Variants in RAI1 observed in about 807,000 individuals in gnomAD.
RAI1 encodes retinoic acid-induced protein 1.
RAI1 carries 9 observed loss-of-function variants against 123.8 expected under a neutral mutation model. That is an observed-to-expected ratio of 0.07 (90% confidence interval 0.04 to 0.13). The LOEUF is 0.13. RAI1 is among the 10% of genes least tolerant of loss of function. The pLI, the probability that RAI1 is intolerant of heterozygous loss-of-function variation, is 1.00. For missense variants in RAI1, 2,256 were observed against 2,545.8 expected, an observed-to-expected ratio of 0.89 and a Z score of 2.45; for synonymous variants, 1,231 against 1,127.3, an observed-to-expected ratio of 1.09 and a Z score of -1.84.
intron 1 of RAI1, among the ~76,000 whole-genome samples, chr17:17,689,944 A>G (rs1046497048): frequency 3.3e-5 from 5 of 151,926 alleles, no homozygotes; most frequent in Admixed American, 6.6e-5. Context: ...AAGCCCCCCA[A>G]CTCCTTGAAT....
intron 2 of RAI1, among the ~76,000 whole-genome samples, chr17:17,791,052 C>T (rs180786517): frequency 1.2e-4 from 18 of 152,336 alleles, no homozygotes; most frequent in South Asian, 4.1e-4. Flanking sequence ...GGGATGCCTG[C>T]GACAAATCCA....
At chr17:17,723,781 C>G (rs1052445576) in intron 1 of RAI1, among the ~76,000 whole-genome samples, 8 of 150,338 alleles carry the variant, frequency 5.3e-5, no homozygotes, top group Admixed American at 3.3e-4. Context: ...CCCGCGCGCG[C>G]CCCGCGCCAG....
In RAI1 at chr17:17,796,467, C is replaced by T; in HGVS notation, c.3519C>T (p.Ala1173=). The change falls in exon 3 of 6, where the codon GCC becomes GCT. Residue 1173 remains alanine (A), a synonymous_variant. Transcript: ENST00000353383. The surrounding 1 kb of genome is among the most constrained non-coding windows in gnomAD (Gnocchi z 5.8). ...AGGGCCGGCTCCCCAACTGCCGTGCCACCAAGAAGCTCCTCGACAACAGCC... is the reference window on the plus strand; with the variant it reads ...AGGGCCGGCTCCCCAACTGCCGTGCTACCAAGAAGCTCCTCGACAACAGCC... ...PSEGRLPNCR[A]TKKLLDNSHL... 6.2e-7 allele frequency: 1 copy of T among 1,612,330 alleles called. No individual in the cohort carries two copies. Among genetic ancestry groups the T allele is most frequent in the African/African-American group, 1.3e-5 (1 of 75,044 alleles).
chr17:17,810,335 CT>C lies in RAI1; in HGVS notation c.*357del. The C allele has an allele frequency of 2.6e-6, 1 of 379,654 alleles. No individual in the cohort carries two copies. Among genetic ancestry groups the C allele is most frequent in the Non-Finnish European group, 4.8e-6 (1 of 210,256 alleles). 23.5% of individuals were successfully genotyped at this position (379,654 alleles called of 1,614,324 possible). On this transcript the variant is annotated 3_prime_UTR_variant, in exon 6 of 6. Coordinates refer to ENST00000353383, the MANE Select transcript of RAI1 (RefSeq NM_030665.4). The surrounding 1 kb of genome is among the most constrained non-coding windows in gnomAD (Gnocchi z 4.6). ...GGGAGACGGCTTTGTCCTGGGGACA[CT>C]TTCCCTCTGGAATCTCAAGACGACG... is the stretch of plus-strand genomic sequence containing the variant.
At chr17:17,695,499 G>A (rs1412086787) in intron 1 of RAI1, among the ~76,000 whole-genome samples, 3 of 150,522 alleles carry the variant, frequency 2.0e-5, no homozygotes, top group African/African-American at 7.3e-5. Context: ...CTACTCCACA[G>A]CCGCCTTCTT....
intron 1 of RAI1, among the ~76,000 whole-genome samples, chr17:17,694,566 C>T (rs1386903224): frequency 6.6e-6 from 1 of 152,092 alleles, no homozygotes; most frequent in African/African-American, 2.4e-5. Flanking sequence ...CTCTCCCCGA[C>T]CTCGAGAAGG....
chr17:17,749,470 A>C (rs937528843), intron 2 of RAI1, among the ~76,000 whole-genome samples: 1 of 152,134 alleles, frequency 6.6e-6, no homozygotes, highest in African/African-American at 2.4e-5. Flanking sequence ...CGAGTGTGCT[A>C]TTTTCTCCTC....
In RAI1 at chr17:17,809,835, C is replaced by T; in HGVS notation, c.5710-135C>T. 7 of 1,267,900 alleles carry T rather than the reference C, an allele frequency of 5.5e-6. No individual in the cohort carries two copies. Among genetic ancestry groups the T allele is most frequent in the Non-Finnish European group, 6.7e-6 (6 of 902,230 alleles). 78.5% of individuals were successfully genotyped at this position (1,267,900 alleles called of 1,614,324 possible). A position where few individuals can be genotyped will look rare whatever the true frequency, so the allele number is the denominator to read the frequency against. On this transcript the variant is annotated intron_variant, in intron 5 of 5. Transcript: ENST00000353383. The surrounding 1 kb of genome is among the most constrained non-coding windows in gnomAD (Gnocchi z 4.9). ...GGCCAGAAGGGGTGGTGCCGACGGC[C>T]TCGGGCGGAGACCCCAGCCGCGCTC... is the stretch of plus-strand genomic sequence containing the variant.
rs2032270104 is a variant in RAI1 at position 17,796,732 on chromosome 17, A to G, written c.3784A>G (p.Arg1262Gly). The change falls in exon 3 of 6, where the codon AGG becomes GGG. Residue 1262 changes from arginine (R) to glycine (G), a missense_variant. Transcript: ENST00000353383. The surrounding 1 kb of genome is among the most constrained non-coding windows in gnomAD (Gnocchi z 5.8). ...SGNGGDGKEE[R>G]PEGSPTLFKR... The stretch of plus-strand genomic sequence containing the variant: ...CAATGGGGGAGATGGGAAGGAGGAG[A>G]GGCCTGAGGGTTCCCCCACCCTCTT... The G allele has an allele frequency of 6.2e-7, 1 of 1,613,310 alleles. No individual in the cohort carries two copies. Among genetic ancestry groups the G allele is most frequent in the African/African-American group, 1.3e-5 (1 of 74,980 alleles).
In RAI1 at chr17:17,795,335, A is replaced by AGGT; in HGVS notation, c.2389_2390insTGG (p.Glu796_Asp797insVal). Reference sequence around the variant, plus strand: ...TCGGCCTGCCTGGGCTTCCAGGAGGAGGACCCCCCTGGGGAGAAGGTGGCC... The same window carrying AGGT: ...TCGGCCTGCCTGGGCTTCCAGGAGGAGGTGGACCCCCCTGGGGAGAAGGTGGCC... On this transcript the variant is annotated inframe_insertion, in exon 3 of 6. Transcript: ENST00000353383. The surrounding 1 kb of genome is among the most constrained non-coding windows in gnomAD (Gnocchi z 5.9). 1 of 1,602,988 alleles carries AGGT rather than the reference A, an allele frequency of 6.2e-7. No homozygotes were observed. Among genetic ancestry groups the AGGT allele is most frequent in the Non-Finnish European group, 8.5e-7 (1 of 1,172,202 alleles).
intron 1 of RAI1, among the ~76,000 whole-genome samples, chr17:17,696,360 ACT>A (rs999546696): frequency 1.7e-4 from 26 of 151,678 alleles, no homozygotes; most frequent in Non-Finnish European, 5.9e-5. Context: ...ATTCACCCGT[ACT>A]CTCAGTCTCC....
chr17:17,787,459 T>C, intron 2 of RAI1, among the ~76,000 whole-genome samples: 1 of 150,946 alleles, frequency 6.6e-6, no homozygotes, highest in South Asian at 2.1e-4. Flanking sequence ...TAAAGTGATC[T>C]AAAAAAAAAA....
rs947289961 is a variant in RAI1, at chr17:17,762,171, C to T, written c.-16-30762C>T. Among the ~76,000 whole-genome samples, 9 of 152,150 alleles carry T rather than the reference C, an allele frequency of 5.9e-5. No homozygotes were observed. The East Asian group carries it at 9.7e-4, about 16-fold the overall frequency. On this transcript the variant is annotated intron_variant, in intron 2 of 5. Coordinates refer to ENST00000353383, the MANE Select transcript of RAI1 (RefSeq NM_030665.4). ...AGAGAAAAGAGAGTGAATAAATATA[C>T]GAGGGAGGTGATTTTGGAGAGTGGT... is the stretch of plus-strand genomic sequence containing the variant.
intron 2 of RAI1, among the ~76,000 whole-genome samples, chr17:17,771,824 C>T (rs2031170935): frequency 6.6e-6 from 1 of 152,246 alleles, no homozygotes; most frequent in Non-Finnish European, 1.5e-5. Flanking sequence ...AGTACTCCCA[C>T]TGACACCCAA....
chr17:17,695,909 T>G (rs1250491704), intron 1 of RAI1, among the ~76,000 whole-genome samples: 1 of 152,200 alleles, frequency 6.6e-6, no homozygotes, highest in Non-Finnish European at 1.5e-5. Flanking sequence ...AATGTCGGCC[T>G]TTGGGTCTCC....
chr17:17,791,561 G>C (rs2032013553), intron 2 of RAI1, among the ~76,000 whole-genome samples: 1 of 152,138 alleles, frequency 6.6e-6, no homozygotes, highest in South Asian at 2.1e-4. Context: ...GGAGCATTTG[G>C]GAACCAGCAC....
In RAI1 at chr17:17,793,594, T is replaced by C; in HGVS notation, c.646T>C (p.Phe216Leu). ...CCACTTTCCTCAGCATTCCCAGTCCTTCCCCACCTCCTCCACCTACTCCTC... is the reference window on the plus strand; with the variant it reads ...CCACTTTCCTCAGCATTCCCAGTCCCTCCCCACCTCCTCCACCTACTCCTC... ...GTHFPQHSQS[F>L]PTSSTYSSSV... is the part of the protein sequence containing the mutation. Residue 216 changes from phenylalanine to leucine, a missense_variant, in exon 3 of 6, where the codon TTC becomes CTC. By Grantham distance (22) the Phe-to-Leu change is conservative. This residue lies in a region of RAI1 where 336 missense variants were observed against 349.8 expected (regional missense o/e 0.96). Coordinates refer to ENST00000353383, the MANE Select transcript of RAI1 (RefSeq NM_030665.4). The C allele has an allele frequency of 1.2e-6, 2 of 1,613,626 alleles. No individual in the cohort carries two copies. The highest frequency in any genetic ancestry group is 1.7e-6 in the Non-Finnish European group (2 of 1,179,944).
At chr17:17,717,910 C>T (rs964145948) in intron 1 of RAI1, among the ~76,000 whole-genome samples, 3 of 152,200 alleles carry the variant, frequency 2.0e-5, no homozygotes, top group Non-Finnish European at 4.4e-5. Flanking sequence ...GGATTCTGCC[C>T]TGTTTGAGCC....
chr17:17,751,109 C>T (rs1245385277), intron 2 of RAI1, among the ~76,000 whole-genome samples: 1 of 152,230 alleles, frequency 6.6e-6, no homozygotes, highest in African/African-American at 2.4e-5. Flanking sequence ...GGCCTTTCTG[C>T]CCCTTAGCAG....
Sources: gnomAD v4.1 joint callset for allele counts (sites outside exome capture counted in the v4.1 genomes callset) on GRCh38, gnomAD v4.1.1 for gene constraint, gnomAD v4.1.1 regional missense constraint, Gnocchi (gnomAD v3.1) non-coding constraint, MANE v1.5 for transcripts, NCBI Gene and HGNC (gene_info 2026-07-23, HGNC 2026-07-21) for gene names.